The following PACRG variants were observed in gnomAD, a reference collection of about 807,000 sequenced individuals.
The protein encoded by PACRG is parkin coregulated gene protein.
In PACRG, 29 loss-of-function variants were observed where a neutral mutation model predicts 29.7. The observed-to-expected ratio is 0.98, with a 90% CI of 0.73 to 1.33. The LOEUF is 1.33. PACRG is among the 40% of genes most tolerant of loss of function. PACRG has a pLI of 0.00. For synonymous variants in PACRG, 116 were observed against 118.7 expected (o/e 0.98, Z 0.15); for missense variants, 279 against 316.2 (o/e 0.88, Z 0.89).
At chr6:163,072,772 A>C (rs1812191963) in intron 3 of PACRG, among the ~76,000 whole-genome samples, 1 of 152,226 alleles carries the variant, frequency 6.6e-6, no homozygotes, top group South Asian at 2.1e-4. Context: ...CAGGATACGA[A>C]ATCAACAAAC....
At chr6:163,129,778 T>C (rs9346948) in intron 4 of PACRG, among the ~76,000 whole-genome samples, 17,274 of 152,222 alleles carry the variant, frequency 0.11, 1,224 homozygotes, top group South Asian at 0.29. Flanking sequence ...TCACACTCAG[T>C]TTCCTCCCTC....
At chr6:162,765,775 T>C (rs1022022330) in intron 1 of PACRG, among the ~76,000 whole-genome samples, 2 of 152,208 alleles carry the variant, frequency 1.3e-5, no homozygotes, top group Non-Finnish European at 2.9e-5. Flanking sequence ...ATTCTTTAAA[T>C]GCTAATTTTG....
intron 2 of PACRG, among the ~76,000 whole-genome samples, chr6:163,028,749 A>G (rs2128226435): frequency 6.6e-6 from 1 of 152,298 alleles, no homozygotes; most frequent in East Asian, 1.9e-4. Flanking sequence ...GGCTAATCTC[A>G]ATGATCTCAA....
chr6:162,894,128 A>G (rs1013633728), intron 2 of PACRG, among the ~76,000 whole-genome samples: 2 of 152,166 alleles, frequency 1.3e-5, no homozygotes, highest in African/African-American at 4.8e-5. Flanking sequence ...CTGGAGTGGG[A>G]CACACGTCCT....
intron 2 of PACRG, among the ~76,000 whole-genome samples, chr6:162,901,334 A>G (rs1234346090): frequency 6.6e-6 from 1 of 152,206 alleles, no homozygotes; most frequent in African/African-American, 2.4e-5. Flanking sequence ...TTTTTCCCAA[A>G]TAGACAGGTA....
chr6:163,088,485 A>C (rs1050504036), intron 3 of PACRG, among the ~76,000 whole-genome samples: 3 of 152,108 alleles, frequency 2.0e-5, no homozygotes, highest in Non-Finnish European at 4.4e-5. Flanking sequence ...AAGTTGGCCA[A>C]CCTCGCACAG....
chr6:162,953,939 G>A (rs931786989), intron 2 of PACRG, among the ~76,000 whole-genome samples: 5 of 152,096 alleles, frequency 3.3e-5, no homozygotes, highest in Admixed American at 3.3e-4. Context: ...TAACTATCAA[G>A]ATGGAATATT....
intron 2 of PACRG, among the ~76,000 whole-genome samples, chr6:162,819,741 G>C (rs1198054104): frequency 6.6e-6 from 1 of 152,116 alleles, no homozygotes; most frequent in Admixed American, 6.5e-5. Context: ...TGCTTCGTAG[G>C]CCTCACTTTC....
intron 2 of PACRG, chr6:162,957,581 G>A: frequency 5.2e-6 from 1 of 193,730 alleles, no homozygotes; most frequent in Non-Finnish European, 1.1e-5. Context: ...ACCATTCTGA[G>A]TGCATGTAGA....
At chr6:163,269,520 C>T (rs7759634) in intron 4 of PACRG, among the ~76,000 whole-genome samples, 1,689 of 152,204 alleles carry the variant, frequency 0.011, 31 homozygotes, top group African/African-American at 0.039. Context: ...TGATTCAGTT[C>T]GCTACCTCCT....
intron 2 of PACRG, among the ~76,000 whole-genome samples, chr6:162,984,652 C>A (rs1802719962): frequency 6.6e-6 from 1 of 151,820 alleles, no homozygotes. Flanking sequence ...AATGTGTTCC[C>A]TTTTCACCAC....
chr6:163,278,727 G>A (rs1784136309), intron 4 of PACRG, among the ~76,000 whole-genome samples: 1 of 152,128 alleles, frequency 6.6e-6, no homozygotes, highest in African/African-American at 2.4e-5. Context: ...TGCTGTTTTG[G>A]TAACTATGGC....
At chr6:163,140,391 G>T (rs998598919) in intron 4 of PACRG, among the ~76,000 whole-genome samples, 2 of 152,148 alleles carry the variant, frequency 1.3e-5, no homozygotes, top group African/African-American at 2.4e-5. Flanking sequence ...GTGGGGTGGA[G>T]TACCAGGCCA....
At chr6:162,915,273 T>C (rs1796624027) in intron 2 of PACRG, among the ~76,000 whole-genome samples, 1 of 142,798 alleles carries the variant, frequency 7.0e-6, no homozygotes, top group Non-Finnish European at 1.5e-5. Flanking sequence ...TAAAATAATC[T>C]TTTTTTTTTT....
At chr6:163,180,702 C>A (rs1779613239) in intron 4 of PACRG, among the ~76,000 whole-genome samples, 1 of 152,008 alleles carries the variant, frequency 6.6e-6, no homozygotes, top group Non-Finnish European at 1.5e-5. Flanking sequence ...AGTTTAATTC[C>A]TTTACTCTTA....
intron 2 of PACRG, among the ~76,000 whole-genome samples, chr6:162,998,645 A>G (rs1358664261): frequency 1.3e-5 from 2 of 152,080 alleles, no homozygotes; most frequent in Non-Finnish European, 2.9e-5. Context: ...TTGTGGGTAT[A>G]TTTTTATATG....
chr6:162,882,190 TG>T (rs142358248), intron 2 of PACRG, among the ~76,000 whole-genome samples: 10 of 91,942 alleles, frequency 1.1e-4, no homozygotes, highest in Admixed American at 1.0e-3. Flanking sequence ...AGACTGGGGG[TG>T]GGGGGGCGCA....
intron 2 of PACRG, among the ~76,000 whole-genome samples, chr6:163,010,716 G>C (rs1414084185): frequency 6.6e-6 from 1 of 152,274 alleles, no homozygotes; most frequent in Non-Finnish European, 1.5e-5. Context: ...TTGCAAATTC[G>C]GTCACTCAAC....
At chr6:162,974,008 AC>A (rs1312525335) in intron 2 of PACRG, among the ~76,000 whole-genome samples, 1 of 152,140 alleles carries the variant, frequency 6.6e-6, no homozygotes, top group Admixed American at 6.5e-5. Flanking sequence ...TTTCTCAGGT[AC>A]CCTTTTTCAT....
Sources: gnomAD v4.1 joint callset for allele counts (sites outside exome capture counted in the v4.1 genomes callset) on GRCh38, gnomAD v4.1.1 for gene constraint, MANE v1.5 for transcripts, NCBI Gene and HGNC (gene_info 2026-07-23, HGNC 2026-07-21) for gene names.